Variants in NRG3 observed in about 807,000 individuals in gnomAD.
The protein encoded by NRG3 is neuregulin 3.
In NRG3, 31 loss-of-function variants were observed where a neutral mutation model predicts 66.9. The observed-to-expected ratio is 0.46, with a 90% CI of 0.35 to 0.63. The LOEUF is 0.63. Among genes scored for constraint, NRG3 ranks in the 20% least tolerant of loss-of-function variants. NRG3 has a pLI of 0.00. For synonymous variants in NRG3, 393 were observed against 359.4 expected, an observed-to-expected ratio of 1.09 and a Z score of -1.06; for missense variants, 910 against 878.9, an observed-to-expected ratio of 1.04 and a Z score of -0.45.
intron 1 of NRG3, among the ~76,000 whole-genome samples, chr10:81,947,565 G>A (rs1158862745): frequency 1.3e-5 from 2 of 151,748 alleles, no homozygotes; most frequent in Non-Finnish European, 2.9e-5. Context: ...CTTACAATTT[G>A]TATAACCTTT....
At chr10:82,263,344 T>G (rs765792154) in intron 1 of NRG3, among the ~76,000 whole-genome samples, 54 of 152,176 alleles carry the variant, frequency 3.5e-4, no homozygotes, top group African/African-American at 8.7e-4. Flanking sequence ...TCCACAAAGT[T>G]CATGCACTCT....
chr10:82,874,213 A>C (rs893323794), intron 4 of NRG3, among the ~76,000 whole-genome samples: 1 of 152,110 alleles, frequency 6.6e-6, no homozygotes, highest in Non-Finnish European at 1.5e-5. Context: ...TCTCCTAAGA[A>C]GTGACCAGTT....
chr10:82,037,138 A>C (rs538357685), intron 1 of NRG3, among the ~76,000 whole-genome samples: 1 of 152,248 alleles, frequency 6.6e-6, no homozygotes, highest in African/African-American at 2.4e-5. Context: ...TCCCTCCCCA[A>C]AGCAGATCAC....
chr10:82,270,232 T>A (rs555600635), intron 1 of NRG3, among the ~76,000 whole-genome samples: 1 of 152,272 alleles, frequency 6.6e-6, no homozygotes, highest in Non-Finnish European at 1.5e-5. Context: ...ATTAAGTGTG[T>A]AATCACATTG....
chr10:81,996,633 G>C (rs1364617945), intron 1 of NRG3, among the ~76,000 whole-genome samples: 1 of 152,072 alleles, frequency 6.6e-6, no homozygotes, highest in African/African-American at 2.4e-5. Flanking sequence ...TAGTGATAGT[G>C]CTGAATTCAT....
At chr10:82,633,457 A>G (rs947867114) in intron 2 of NRG3, among the ~76,000 whole-genome samples, 7 of 152,166 alleles carry the variant, frequency 4.6e-5, no homozygotes, top group African/African-American at 1.7e-4. Context: ...TCCAAAACTC[A>G]TATGTTCCAA....
intron 1 of NRG3, among the ~76,000 whole-genome samples, chr10:81,988,462 T>A (rs2060610121): frequency 6.6e-6 from 1 of 152,220 alleles, no homozygotes; most frequent in South Asian, 2.1e-4. Flanking sequence ...TTATTGTTAT[T>A]ATTATTGCTA....
chr10:82,640,986 G>A, intron 2 of NRG3, among the ~76,000 whole-genome samples: 1 of 150,654 alleles, frequency 6.6e-6, no homozygotes, highest in African/African-American at 2.4e-5. Context: ...CAAAACCTAG[G>A]GTCTTTAAAT....
intron 1 of NRG3, among the ~76,000 whole-genome samples, chr10:81,990,708 C>CT (rs1424412697): frequency 6.6e-6 from 1 of 152,110 alleles, no homozygotes; most frequent in Non-Finnish European, 1.5e-5. Context: ...AGACTTATAG[C>CT]AGCCATATAA....
intron 1 of NRG3, chr10:82,232,994 G>T: frequency 1.7e-6 from 1 of 591,250 alleles, no homozygotes; most frequent in Non-Finnish European, 3.1e-6. Context: ...ATTGTTTCCA[G>T]GGTATGTGGG....
chr10:82,774,678 G>T (rs2059831168), intron 3 of NRG3, among the ~76,000 whole-genome samples: 1 of 151,330 alleles, frequency 6.6e-6, no homozygotes, highest in South Asian at 2.1e-4. Context: ...TCTTAGTCTA[G>T]TTAGATGTTT....
intron 2 of NRG3, among the ~76,000 whole-genome samples, chr10:82,578,579 T>C (rs1031237816): frequency 3.3e-4 from 50 of 151,602 alleles, no homozygotes; most frequent in African/African-American, 9.9e-4. Flanking sequence ...GATGAGCAAA[T>C]GGAGGTTCTG....
rs958749831 is a variant in NRG3, at chr10:82,880,038, C to T, written c.1054+14601C>T. On this transcript the variant is annotated intron_variant, in intron 4 of 8. Coordinates refer to ENST00000372141, the MANE Select transcript of NRG3 (RefSeq NM_001010848.4). ...ATTGAAAGTATATTGAATATGGGCTCCGTTTATTGATGAAGCTTTCAAGCA... is the reference window on the plus strand; with the variant it reads ...ATTGAAAGTATATTGAATATGGGCTTCGTTTATTGATGAAGCTTTCAAGCA... Among the ~76,000 whole-genome samples the T allele has an allele frequency of 2.6e-4, 37 of 140,596 alleles. 1 individual carries two copies. The highest frequency in any genetic ancestry group is 9.7e-4 in the African/African-American group (36 of 37,156). The allele number at this position is 140,596 out of a possible 152,430, so 92.2% of individuals were successfully genotyped here.
chr10:82,192,129 G>A lies in NRG3; in HGVS notation c.824-166610G>A, dbSNP rs74694755. On this transcript the variant is annotated intron_variant, in intron 1 of 8. Transcript: ENST00000372141. ...GATCAATATGTGTAAGAATTAAGGGGAAACGCCAGACTCCCCCTTCTGATT... is the reference window on the plus strand; with the variant it reads ...GATCAATATGTGTAAGAATTAAGGGAAAACGCCAGACTCCCCCTTCTGATT... 0.012 allele frequency among the ~76,000 whole-genome samples: 1,798 copies of A among 152,190 alleles called. 68 individuals carry two copies. The East Asian group carries it at 0.13, about 11-fold the overall frequency.
chr10:82,938,040 T>G (rs1848247220), intron 4 of NRG3, among the ~76,000 whole-genome samples: 1 of 152,228 alleles, frequency 6.6e-6, no homozygotes, highest in Non-Finnish European at 1.5e-5. Context: ...TGTATTGAAG[T>G]GATACTATTT....
chr10:82,730,149 G>A (rs911331029), intron 2 of NRG3, among the ~76,000 whole-genome samples: 1 of 147,426 alleles, frequency 6.8e-6, no homozygotes, highest in Non-Finnish European at 1.5e-5. Context: ...GCAGGGGGTC[G>A]ATCTCGGCCA....
At chr10:82,765,584 G>A (rs2059484333) in intron 3 of NRG3, among the ~76,000 whole-genome samples, 1 of 151,990 alleles carries the variant, frequency 6.6e-6, no homozygotes, top group Non-Finnish European at 1.5e-5. Flanking sequence ...AATACCAAAG[G>A]TAGGAATATA....
intron 1 of NRG3, among the ~76,000 whole-genome samples, chr10:82,011,628 C>T (rs1264124680): frequency 6.6e-6 from 1 of 152,152 alleles, no homozygotes; most frequent in Admixed American, 6.5e-5. Context: ...TTCCTAGAAA[C>T]AATGGTGGTG....
intron 2 of NRG3, among the ~76,000 whole-genome samples, chr10:82,575,183 T>A (rs531440752): frequency 6.6e-6 from 1 of 151,842 alleles, no homozygotes; most frequent in South Asian, 2.1e-4. Flanking sequence ...AAGAAATATA[T>A]ACATTTTTCA....
Sources: gnomAD v4.1 joint callset for allele counts (sites outside exome capture counted in the v4.1 genomes callset) on GRCh38, gnomAD v4.1.1 for gene constraint, MANE v1.5 for transcripts, NCBI Gene and HGNC (gene_info 2026-07-23, HGNC 2026-07-21) for gene names.